The following TLK2 variants were observed in gnomAD, a reference collection of about 807,000 sequenced individuals.
The protein encoded by TLK2 is tousled like kinase 2.
A neutral mutation model predicts 117.3 loss-of-function variants in TLK2; 6 were observed. The ratio of observed to expected loss-of-function variants is 0.05; its 90% CI spans 0.03 to 0.10. The LOEUF (loss-of-function observed/expected upper bound fraction) is 0.10, where lower values mean the gene tolerates loss of function less well. TLK2 is among the 10% of genes least tolerant of loss of function. TLK2 has a pLI of 1.00. For synonymous variants in TLK2, 257 were observed against 316.7 expected (o/e 0.81, Z 2.00); for missense variants, 299 against 901.2 (o/e 0.33, Z 8.56).
rs1469466599 is a variant in TLK2 at position 62,544,582 on chromosome 17, C to T, written c.532-7720C>T. ...AAAAACCATACCACCTGTCTTTATG[C>T]CAGGACCACACTGTCTGAATAACTG... On this transcript the variant is annotated intron_variant, in intron 7 of 21. Transcript: ENST00000346027. 2.0e-5 allele frequency among the ~76,000 whole-genome samples: 3 copies of T among 152,242 alleles called. No homozygotes were observed. The East Asian group carries it at 5.8e-4, about 29-fold the overall frequency.
intron 3 of TLK2, among the ~76,000 whole-genome samples, chr17:62,521,078 T>C (rs1268765793): frequency 1.3e-5 from 2 of 152,102 alleles, no homozygotes; most frequent in Non-Finnish European, 2.9e-5. Context: ...GAGGATCGTT[T>C]GCACCCGGGA....
chr17:62,597,736 A>C (rs2082583282), intron 17 of TLK2, among the ~76,000 whole-genome samples: 1 of 152,238 alleles, frequency 6.6e-6, no homozygotes. Context: ...TTTGAGGACC[A>C]GAGAAGTTAA....
intron 5 of TLK2, among the ~76,000 whole-genome samples, chr17:62,523,714 T>G (rs546133923): frequency 2.6e-5 from 4 of 152,272 alleles, no homozygotes; most frequent in African/African-American, 9.6e-5. Context: ...TTAAATTTAT[T>G]ATGTGTCTTG....
rs187046367 is a variant in TLK2, at chr17:62,601,554, T to C, written c.1721-488T>C. Among the ~76,000 whole-genome samples the C allele has an allele frequency of 1.8e-3, 267 of 152,364 alleles. 1 individual carries two copies. Among genetic ancestry groups the C allele is most frequent in the Non-Finnish European group, 3.0e-3 (202 of 68,040 alleles). On this transcript the variant is annotated intron_variant, in intron 18 of 21. Coordinates refer to ENST00000346027, the MANE Select transcript of TLK2 (RefSeq NM_006852.6). ...TATGATGAAGAAATTTTTTAAAAGA[T>C]GGCTATTTTGTGAATGAATTTTCCA...
rs933512766 is a variant in TLK2 at position 62,600,564 on chromosome 17, C to T, written c.1551-87C>T. The T allele has an allele frequency of 1.9e-5, 21 of 1,130,060 alleles. No individual in the cohort carries two copies. In the African/African-American group the frequency reaches 2.7e-4, roughly 14 times the overall value. The allele number at this position is 1,130,060 out of a possible 1,614,324, so 70.0% of individuals were successfully genotyped here. On this transcript the variant is annotated intron_variant, in intron 17 of 21. Transcript: ENST00000346027. ...GAAGAAAGGAGTGAGAAGCTGATGACCTGAAGTTTTCACATGGGACTAATT... is the reference window on the plus strand; with the variant it reads ...GAAGAAAGGAGTGAGAAGCTGATGATCTGAAGTTTTCACATGGGACTAATT...
chr17:62,519,509 A>G (rs1188519051), intron 2 of TLK2, among the ~76,000 whole-genome samples: 3 of 152,058 alleles, frequency 2.0e-5, no homozygotes, highest in Admixed American at 1.3e-4. Flanking sequence ...TTGCCTACCA[A>G]TTTCTACAAA....
intron 2 of TLK2, 39 bp from the exon 3 acceptor site, chr17:62,520,734 G>A: frequency 6.3e-7 from 1 of 1,577,594 alleles, no homozygotes; most frequent in South Asian, 1.1e-5. Flanking sequence ...ATCCTCTTAG[G>A]ATTAAAATTT....
chr17:62,578,595 T>C (rs1467155311), intron 14 of TLK2, 21 bp downstream of exon 14: 5 of 1,583,936 alleles, frequency 3.2e-6, no homozygotes, highest in Non-Finnish European at 3.5e-6. Context: ...TCAGGGCATA[T>C]TGGGTTGGAG....
intron 2 of TLK2, among the ~76,000 whole-genome samples, chr17:62,483,571 C>T (rs1268720485): frequency 2.0e-5 from 3 of 152,214 alleles, no homozygotes; most frequent in East Asian, 1.9e-4. Flanking sequence ...GGCACGATCT[C>T]GGCTCACCTC....
At chr17:62,593,122 G>C (rs1425000003) in intron 16 of TLK2, among the ~76,000 whole-genome samples, 2 of 152,162 alleles carry the variant, frequency 1.3e-5, no homozygotes, top group Admixed American at 1.3e-4. Context: ...TACTGGGTTG[G>C]GGACCCCTGC....
At chr17:62,536,090 T>A (rs1019172948) in intron 6 of TLK2, 80 bp from the exon 7 acceptor site, 25 of 1,485,824 alleles carry the variant, frequency 1.7e-5, no homozygotes, top group African/African-American at 4.2e-5. Flanking sequence ...ATTTGATAAC[T>A]GTTTTTAACC....
At chr17:62,472,058 C>A (rs1036777498) in intron 1 of TLK2, among the ~76,000 whole-genome samples, 3 of 151,176 alleles carry the variant, frequency 2.0e-5, no homozygotes, top group Admixed American at 2.0e-4. Flanking sequence ...GGCGCCCCCC[C>A]ACCATGTCCG....
intron 12 of TLK2, among the ~76,000 whole-genome samples, chr17:62,575,097 G>T (rs1057294302): frequency 6.6e-6 from 1 of 152,192 alleles, no homozygotes; most frequent in Non-Finnish European, 1.5e-5. Flanking sequence ...GCTTAGGAGT[G>T]ATAAAGAAAG....
At chr17:62,608,182 C>T (rs761508037) in intron 21 of TLK2, 34 bp downstream of exon 21, 30 of 1,559,172 alleles carry the variant, frequency 1.9e-5, no homozygotes, top group South Asian at 1.7e-4. Context: ...CCAACAGAAA[C>T]GGCTGCTTTG....
At chr17:62,497,271 GA>G (rs565847409) in intron 2 of TLK2, among the ~76,000 whole-genome samples, 2 of 149,632 alleles carry the variant, frequency 1.3e-5, no homozygotes, top group South Asian at 2.1e-4. Flanking sequence ...CCCTGTCTCA[GA>G]AAAAAAAAAT....
rs2078515817 is a variant in TLK2 at position 62,552,164 on chromosome 17, G to A, written c.532-138G>A. On this transcript the variant is annotated intron_variant, in intron 7 of 21. Transcript: ENST00000346027. ...ATTGTTTTACTTTCTTCTTGGCCAC[G>A]TGGCCCTGACTTCTCACTTTCATAA... 30 of 875,528 alleles carry A rather than the reference G, an allele frequency of 3.4e-5. 1 individual carries two copies. In the South Asian group the frequency reaches 4.7e-4, roughly 14 times the overall value. The allele number at this position is 875,528 out of a possible 1,614,324, so 54.2% of individuals were successfully genotyped here.
At chr17:62,535,514 C>G (rs1253182379) in intron 6 of TLK2, among the ~76,000 whole-genome samples, 1 of 152,060 alleles carries the variant, frequency 6.6e-6, no homozygotes, top group Non-Finnish European at 1.5e-5. Context: ...TGCCTGTAAT[C>G]CCAGCACTTT....
At chr17:62,495,804 G>A (rs1283056865) in intron 2 of TLK2, among the ~76,000 whole-genome samples, 2 of 151,500 alleles carry the variant, frequency 1.3e-5, no homozygotes, top group South Asian at 2.1e-4. Context: ...GATTATGGGC[G>A]CATGCTGCCG....
chr17:62,576,372 A>AG (rs1567954773), intron 12 of TLK2, among the ~76,000 whole-genome samples: 1 of 152,222 alleles, frequency 6.6e-6, no homozygotes, highest in African/African-American at 2.4e-5. Context: ...CCTCTAAAAA[A>AG]TTTTTAGAGA....
Sources: gnomAD v4.1 joint callset for allele counts (sites outside exome capture counted in the v4.1 genomes callset) on GRCh38, gnomAD v4.1.1 for gene constraint, MANE v1.5 for transcripts, NCBI Gene and HGNC (gene_info 2026-07-23, HGNC 2026-07-21) for gene names.